The following GFRA1 variants were observed in gnomAD, a reference collection of about 807,000 sequenced individuals.
The protein encoded by GFRA1 is GDNF family receptor alpha 1, also known as GDNF family receptor alpha-1.
Under a neutral mutation model 51.6 loss-of-function variants are expected in GFRA1, and 16 were observed. The ratio of observed to expected loss-of-function variants is 0.31; its 90% confidence interval spans 0.21 to 0.47. The LOEUF (loss-of-function observed/expected upper bound fraction) is 0.47, where lower values mean the gene tolerates loss of function less well. GFRA1 is among the 20% of genes least tolerant of loss of function. The pLI is 1.00. For synonymous variants in GFRA1, 270 were observed against 241.3 expected (o/e 1.12, Z -1.10); for missense variants, 530 against 594.3 (o/e 0.89, Z 1.13).
chr10:116,241,861 C>T (rs1406192320), intron 4 of GFRA1, among the ~76,000 whole-genome samples: 1 of 152,136 alleles, frequency 6.6e-6, no homozygotes, highest in African/African-American at 2.4e-5. Context: ...GCCATTCTTA[C>T]TGGAAGGCAG....
At chr10:116,190,023 A>G (rs762790445) in intron 5 of GFRA1, among the ~76,000 whole-genome samples, 4 of 152,160 alleles carry the variant, frequency 2.6e-5, no homozygotes, top group African/African-American at 4.8e-5. Flanking sequence ...CGGGACCAGA[A>G]CTCAGGAGAA....
chr10:116,150,709 A>C (rs1050946489), intron 5 of GFRA1, among the ~76,000 whole-genome samples: 2 of 152,186 alleles, frequency 1.3e-5, no homozygotes, highest in Non-Finnish European at 2.9e-5. Flanking sequence ...TGGAATTTCC[A>C]CTTACAAAAT....
chr10:116,267,947 AC>A (rs1555174977), intron 4 of GFRA1, among the ~76,000 whole-genome samples: 1 of 88,792 alleles, frequency 1.1e-5, no homozygotes, highest in Non-Finnish European at 2.8e-5. Flanking sequence ...ACTAACACAC[AC>A]ACACACACAC....
chr10:116,262,545 A>G (rs908849958), intron 4 of GFRA1, among the ~76,000 whole-genome samples: 2 of 152,214 alleles, frequency 1.3e-5, no homozygotes, highest in African/African-American at 4.8e-5. Flanking sequence ...ACATCTATGC[A>G]TATTTACATA....
intron 5 of GFRA1, among the ~76,000 whole-genome samples, chr10:116,210,224 C>G (rs764338393): frequency 5.3e-5 from 8 of 152,122 alleles, no homozygotes; most frequent in Non-Finnish European, 1.0e-4. Flanking sequence ...TGTAGAAAAG[C>G]CAGATCTGAC....
chr10:116,230,775 C>G (rs529126601), intron 4 of GFRA1, among the ~76,000 whole-genome samples: 1 of 151,950 alleles, frequency 6.6e-6, no homozygotes, highest in Non-Finnish European at 1.5e-5. Flanking sequence ...ACAATAAGTG[C>G]TTTATCAAAG....
chr10:116,100,461 G>A (rs1956774783), intron 6 of GFRA1, among the ~76,000 whole-genome samples: 1 of 151,952 alleles, frequency 6.6e-6, no homozygotes, highest in South Asian at 2.1e-4. Context: ...GCACTTAACA[G>A]GTGCATCGCC....
At chr10:116,222,113 G>T (rs1965965494) in intron 4 of GFRA1, among the ~76,000 whole-genome samples, 1 of 152,172 alleles carries the variant, frequency 6.6e-6, no homozygotes, top group Admixed American at 6.5e-5. Context: ...GCGGTAGAAG[G>T]GGAAAGAGCC....
intron 9 of GFRA1, 146 bp downstream of exon 9, chr10:116,089,595 G>A (rs56346845): frequency 0.45 from 342,588 of 769,456 alleles, 87,063 homozygotes; most frequent in Non-Finnish European, 0.56. Flanking sequence ...ATCTTCACTG[G>A]TTGTGTTTAA....
At chr10:116,241,868 G>A (rs567776890) in intron 4 of GFRA1, among the ~76,000 whole-genome samples, 19 of 152,180 alleles carry the variant, frequency 1.2e-4, no homozygotes, top group African/African-American at 4.3e-4. Flanking sequence ...TTACTGGAAG[G>A]CAGCACATAG....
At chr10:116,143,533 T>C (rs1589821399) in intron 5 of GFRA1, among the ~76,000 whole-genome samples, 1 of 152,018 alleles carries the variant, frequency 6.6e-6, no homozygotes, top group Admixed American at 6.6e-5. Flanking sequence ...TCTGAAAGGG[T>C]CACTTTGCTC....
In GFRA1 at chr10:116,270,771, G is replaced by A. The variant is rs775369177; in HGVS notation, c.334+51C>T. 3.3e-6 allele frequency: 5 copies of A among 1,508,878 alleles called. No individual in the cohort carries two copies. In the South Asian group the frequency reaches 3.5e-5, roughly 11 times the overall value. 93.5% of individuals were successfully genotyped at this position (1,508,878 alleles called of 1,614,324 possible). On this transcript the variant is annotated intron_variant, in intron 3 of 10. Transcript: ENST00000355422. ...CAGCTGGCCCAGGGACGAAAGGCCC[G>A]CCTGCCTTCGGGGAGGGACACGGGG...
At chr10:116,251,402 G>T (rs1968348460) in intron 4 of GFRA1, among the ~76,000 whole-genome samples, 1 of 152,170 alleles carries the variant, frequency 6.6e-6, no homozygotes, top group South Asian at 2.1e-4. Flanking sequence ...AGCACATCTG[G>T]CGTAAGAGTG....
intron 5 of GFRA1, among the ~76,000 whole-genome samples, chr10:116,179,848 C>T (rs79618357): frequency 0.017 from 2,574 of 152,188 alleles, 76 homozygotes; most frequent in African/African-American, 0.059. Context: ...CAGAGATGCA[C>T]GTTTTGTGCC....
intron 4 of GFRA1, among the ~76,000 whole-genome samples, chr10:116,216,347 G>C (rs1965561576): frequency 6.6e-6 from 1 of 152,154 alleles, no homozygotes; most frequent in Admixed American, 6.5e-5. Context: ...TAAGTGAGTT[G>C]GCTCTGCTTT....
Position 116,206,428 on chromosome 10 carries a change from C to T in GFRA1, c.433+5203G>A, listed in dbSNP as rs1000459399. ...CAAGCTCCTGATAAATGGCAGTGGGCCCGTCACCACAAGCCCACCCCGACA... is the reference window on the plus strand; with the variant it reads ...CAAGCTCCTGATAAATGGCAGTGGGTCCGTCACCACAAGCCCACCCCGACA... On this transcript the variant is annotated intron_variant, in intron 5 of 10. Transcript: ENST00000355422. 2.6e-5 allele frequency among the ~76,000 whole-genome samples: 4 copies of T among 152,100 alleles called. No individual in the cohort carries two copies. The East Asian group carries it at 5.8e-4, about 22-fold the overall frequency.
At position 116,061,695 on chromosome 10, in the gene GFRA1, CCT is replaced by C. The variant is rs112344738; in HGVS notation, c.*2701_*2702del. 278 of 283,432 alleles carry C rather than the reference CCT, an allele frequency of 9.8e-4. 1 individual carries two copies. The highest frequency in any genetic ancestry group is 5.1e-3 in the East Asian group (88 of 17,150). 17.6% of individuals were successfully genotyped at this position (283,432 alleles called of 1,614,324 possible). On this transcript the variant is annotated 3_prime_UTR_variant, in exon 11 of 11. Coordinates refer to ENST00000355422, the MANE Select transcript of GFRA1 (RefSeq NM_005264.8). ...GACACCCAAACCTCAGCAGATAACC[CCT>C]GTCTTCAGTGGCACCCCAAATGCCC... is the stretch of plus-strand genomic sequence containing the variant.
chr10:116,242,608 A>G (rs1006053327), intron 4 of GFRA1, among the ~76,000 whole-genome samples: 1 of 151,982 alleles, frequency 6.6e-6, no homozygotes, highest in African/African-American at 2.4e-5. Flanking sequence ...CAGCCTCCCA[A>G]GTAGCTGAGA....
intron 6 of GFRA1, among the ~76,000 whole-genome samples, chr10:116,112,108 A>G (rs1205196556): frequency 6.6e-6 from 1 of 152,252 alleles, no homozygotes; most frequent in Non-Finnish European, 1.5e-5. Context: ...GTAGCTAAAC[A>G]TGTTTGAGCT....
Sources: allele counts gnomAD v4.1 joint callset (sites outside exome capture counted in the v4.1 genomes callset), GRCh38; gene constraint gnomAD v4.1.1; transcripts MANE v1.5; gene names NCBI Gene and HGNC (gene_info 2026-07-23, HGNC 2026-07-21).